Variants in PANK1 observed in about 807,000 individuals in gnomAD.
PANK1 encodes pantothenate kinase 1.
In PANK1, 18 loss-of-function variants were observed where a neutral mutation model predicts 40.1. The observed-to-expected ratio is 0.45, with a 90% CI of 0.31 to 0.67. The LOEUF (loss-of-function observed/expected upper bound fraction) is 0.67, where lower values mean the gene tolerates loss of function less well. Among genes scored for constraint, PANK1 ranks in the 30% least tolerant of loss-of-function variants. PANK1 has a pLI of 0.06. For synonymous variants in PANK1, 242 were observed against 237.7 expected (o/e 1.02, Z -0.17); for missense variants, 457 against 599.6 (o/e 0.76, Z 2.48).
intron 1 of PANK1, among the ~76,000 whole-genome samples, chr10:89,616,414 GATTT>G (rs1845320070): frequency 1.3e-5 from 2 of 152,148 alleles, no homozygotes; most frequent in African/African-American, 4.8e-5. Context: ...AAATATGACA[GATTT>G]ATATGATAGA....
At chr10:89,631,254 G>A (rs559958737) in intron 1 of PANK1, among the ~76,000 whole-genome samples, 3 of 152,280 alleles carry the variant, frequency 2.0e-5, no homozygotes, top group Admixed American at 1.3e-4. Flanking sequence ...ACCAGTTCTG[G>A]CAGTTTACAC....
At chr10:89,629,747 T>C (rs1011768439) in intron 1 of PANK1, among the ~76,000 whole-genome samples, 30 of 152,354 alleles carry the variant, frequency 2.0e-4, no homozygotes, top group African/African-American at 7.2e-4. Flanking sequence ...GTACTTTATT[T>C]GGATTACACA....
rs77622161 is a variant in PANK1, at chr10:89,583,067, T to C, written c.*1339A>G. On this transcript the variant is annotated 3_prime_UTR_variant, in exon 7 of 7. Transcript: ENST00000307534. ...TCAACTTCTTCAAGACTTGAAGATA[T>C]GGAAATTAAAGACGGTGCTCAGAAG... The C allele has an allele frequency of 3.1e-3, 466 of 152,288 alleles. 5 individuals carry two copies. Among genetic ancestry groups the C allele is most frequent in the African/African-American group, 0.011 (449 of 41,570 alleles). 9.4% of individuals were successfully genotyped at this position (152,288 alleles called of 1,614,324 possible). A position where few individuals can be genotyped will look rare whatever the true frequency, so the allele number is the denominator to read the frequency against.
At position 89,645,108 on chromosome 10, in the gene PANK1, G is replaced by A; in HGVS notation, c.-217C>T. Reference sequence around the variant, plus strand: ...GCCCCCCGCGCGCCGGCCCCACGGCGCCGGCCTGGAGCACGCCAGCCCCGG... The same window carrying A: ...GCCCCCCGCGCGCCGGCCCCACGGCACCGGCCTGGAGCACGCCAGCCCCGG... On this transcript the variant is annotated 5_prime_UTR_variant, in exon 1 of 7. Coordinates refer to ENST00000307534, the MANE Select transcript of PANK1 (RefSeq NM_148977.3). 6.8e-7 allele frequency: 1 copy of A among 1,473,624 alleles called. No individual in the cohort carries two copies. Among genetic ancestry groups the A allele is most frequent in the Non-Finnish European group, 8.9e-7 (1 of 1,119,470 alleles). The allele number at this position is 1,473,624 out of a possible 1,614,324, so 91.3% of individuals were successfully genotyped here.
intron 1 of PANK1, among the ~76,000 whole-genome samples, chr10:89,623,818 G>A (rs150641259): frequency 1.7e-3 from 265 of 152,266 alleles, no homozygotes; most frequent in Non-Finnish European, 3.0e-3. Flanking sequence ...ACTCCCAAGA[G>A]CAAAGTTATT....
intron 2 of PANK1, among the ~76,000 whole-genome samples, chr10:89,602,350 G>C (rs7917591): frequency 0.26 from 39,184 of 152,124 alleles, 5,195 homozygotes; most frequent in Middle Eastern, 0.29. Context: ...TTCACTGAGG[G>C]GTGGATATCT....
At chr10:89,616,604 T>C (rs1046336321) in intron 1 of PANK1, among the ~76,000 whole-genome samples, 9 of 151,984 alleles carry the variant, frequency 5.9e-5, no homozygotes, top group African/African-American at 2.2e-4. Context: ...CACTCTGGCC[T>C]GGGCAGCAAA....
In PANK1 at chr10:89,615,115, A is replaced by G. The variant is rs1398369032; in HGVS notation, c.293-3067T>C. Among the ~76,000 whole-genome samples, 5 of 152,206 alleles carry G rather than the reference A, an allele frequency of 3.3e-5. No individual in the cohort carries two copies. The East Asian group carries it at 9.6e-4, about 29-fold the overall frequency. ...TAGAGATCCAGGAAAAGGGATGGAG[A>G]AAATTCTACACTTAGAGCTTTCAGT... On this transcript the variant is annotated intron_variant, in intron 1 of 6. Transcript: ENST00000307534.
rs142250286 is a variant in PANK1, at chr10:89,593,841, C to T, written c.1048G>A (p.Gly350Ser). 1.2e-6 allele frequency: 2 copies of T among 1,613,678 alleles called. No individual in the cohort carries two copies. Among genetic ancestry groups the T allele is most frequent in the African/African-American group, 1.3e-5 (1 of 74,886 alleles). Reference sequence around the variant, plus strand: ...GATGCTACAGCAGATCCTTGAAGGCCAAATCGTTCATAGTCTCCTCCGTAA... The same window carrying T: ...GATGCTACAGCAGATCCTTGAAGGCTAAATCGTTCATAGTCTCCTCCGTAA... ...DIYGGDYERF[G>S]LQGSAVASSF... Residue 350 changes from glycine to serine, a missense_variant, in exon 4 of 7, where the codon GGC (glycine) becomes AGC (serine). By Grantham distance (56) the Gly-to-Ser change is moderately conservative. Coordinates refer to ENST00000307534, the MANE Select transcript of PANK1 (RefSeq NM_148977.3).
At chr10:89,635,373 A>T (rs1166767948) in intron 1 of PANK1, among the ~76,000 whole-genome samples, 1 of 152,204 alleles carries the variant, frequency 6.6e-6, no homozygotes, top group Non-Finnish European at 1.5e-5. Flanking sequence ...ATAAAAGGGC[A>T]AAAGAGCATG....
rs1014416939 is a variant in PANK1, at chr10:89,618,431, T to A, written c.293-6383A>T. On this transcript the variant is annotated intron_variant, in intron 1 of 6. Transcript: ENST00000307534. ...GTAGAAATGACTTTATATCATCACCTGAGTAACAGCCTAAATTAGGCATCA... is the reference window on the plus strand; with the variant it reads ...GTAGAAATGACTTTATATCATCACCAGAGTAACAGCCTAAATTAGGCATCA... Among the ~76,000 whole-genome samples the A allele has an allele frequency of 3.3e-5, 5 of 152,206 alleles. No individual in the cohort carries two copies. In the East Asian group the frequency reaches 9.6e-4, roughly 29 times the overall value.
chr10:89,614,079 G>C (rs1845243856), intron 1 of PANK1: 5 of 454,050 alleles, frequency 1.1e-5, no homozygotes, highest in South Asian at 7.8e-5. Context: ...AGTCTGACCA[G>C]AGTCTTTTTC....
chr10:89,586,641 G>A (rs186467743), intron 6 of PANK1, among the ~76,000 whole-genome samples: 44 of 152,278 alleles, frequency 2.9e-4, no homozygotes, highest in Admixed American at 1.6e-3. Flanking sequence ...AGAAAAAAAT[G>A]GCACAGTAGT....
In PANK1 at chr10:89,584,469, C is replaced by A. The variant is rs760064933; in HGVS notation, c.1327-4G>T. On this transcript the variant is annotated splice_polypyrimidine_tract_variant and splice_region_variant and intron_variant, in intron 6 of 6. Coordinates refer to ENST00000307534, the MANE Select transcript of PANK1 (RefSeq NM_148977.3). ...CCCCAACGGCTCCAAAATAACCCTA[C>A]GAAAACAATACAAAACGATGATCTC... is the stretch of plus-strand genomic sequence containing the variant. The A allele has an allele frequency of 3.6e-5, 58 of 1,595,740 alleles. No homozygotes were observed. Among genetic ancestry groups the A allele is most frequent in the African/African-American group, 9.4e-5 (7 of 74,510 alleles).
At chr10:89,637,612 T>G (rs751247472) in intron 1 of PANK1, among the ~76,000 whole-genome samples, 11 of 152,236 alleles carry the variant, frequency 7.2e-5, no homozygotes, top group Non-Finnish European at 1.2e-4. Flanking sequence ...TACAAGAGCT[T>G]CCAGGACTGA....
intron 2 of PANK1, among the ~76,000 whole-genome samples, chr10:89,606,023 A>AT (rs112690128): frequency 2.0e-5 from 3 of 151,790 alleles, no homozygotes; most frequent in Admixed American, 2.0e-4. Context: ...CTTTGAAAAG[A>AT]TTTTTTTTTC....
At chr10:89,627,562 C>T (rs1841511657) in intron 1 of PANK1, among the ~76,000 whole-genome samples, 1 of 152,180 alleles carries the variant, frequency 6.6e-6, no homozygotes, top group Non-Finnish European at 1.5e-5. Flanking sequence ...GTGAGGCACT[C>T]TGCTAAACAG....
chr10:89,619,908 G>A (rs1226058142), intron 1 of PANK1, among the ~76,000 whole-genome samples: 1 of 152,212 alleles, frequency 6.6e-6, no homozygotes, highest in African/African-American at 2.4e-5. Flanking sequence ...CCCTGCAGCA[G>A]AAGAACATAA....
chr10:89,605,441 T>G (rs1844933539), intron 2 of PANK1, among the ~76,000 whole-genome samples: 1 of 152,232 alleles, frequency 6.6e-6, no homozygotes, highest in Non-Finnish European at 1.5e-5. Flanking sequence ...TGTTGTCATT[T>G]CAACAACGTT....
Sources: gnomAD v4.1 joint callset for allele counts (sites outside exome capture counted in the v4.1 genomes callset) on GRCh38, gnomAD v4.1.1 for gene constraint, MANE v1.5 for transcripts, NCBI Gene and HGNC (gene_info 2026-07-23, HGNC 2026-07-21) for gene names.